Variants in DYSF observed in about 807,000 individuals in gnomAD.
The protein encoded by DYSF is dystrophy-associated fer-1-like 1.
A neutral mutation model predicts 274.9 loss-of-function variants in DYSF; 212 were observed. The observed-to-expected ratio is 0.77, with a 90% CI of 0.69 to 0.86. The LOEUF (loss-of-function observed/expected upper bound fraction) is 0.86. DYSF is among the 40% of genes least tolerant of loss of function. DYSF has a pLI of 0.00. For missense variants in DYSF, 2,666 were observed against 2,783.2 expected (o/e 0.96, Z 0.95); for synonymous variants, 1,091 against 1,078.7 (o/e 1.01, Z -0.22).
intron 47 of DYSF, among the ~76,000 whole-genome samples, chr2:71,667,090 G>T (rs529439756): frequency 5.3e-5 from 8 of 152,306 alleles, no homozygotes; most frequent in African/African-American, 1.7e-4. Flanking sequence ...GAGACAGGAG[G>T]ATTTGTATGG....
intron 1 of DYSF, among the ~76,000 whole-genome samples, chr2:71,456,596 A>G (rs1285195512): frequency 2.0e-5 from 3 of 152,152 alleles, no homozygotes. Flanking sequence ...CTTTGGTTAC[A>G]TGATTATAAT....
intron 3 of DYSF, among the ~76,000 whole-genome samples, chr2:71,483,758 G>A (rs2083131784): frequency 6.6e-6 from 1 of 152,114 alleles, no homozygotes; most frequent in African/African-American, 2.4e-5. Flanking sequence ...TGAGAGATTG[G>A]GCAACTTTCT....
intron 41 of DYSF, among the ~76,000 whole-genome samples, chr2:71,628,338 TTATC>T (rs1482158605): frequency 3.9e-5 from 6 of 152,292 alleles, no homozygotes; most frequent in African/African-American, 1.4e-4. Flanking sequence ...TATTTTAGTT[TTATC>T]TTTTTTACCT....
At chr2:71,630,994 A>G (rs560706947) in intron 41 of DYSF, among the ~76,000 whole-genome samples, 2 of 152,358 alleles carry the variant, frequency 1.3e-5, no homozygotes, top group East Asian at 1.9e-4. Context: ...CTCACCGACT[A>G]TGAAGTTATT....
At position 71,613,418 on chromosome 2, in the gene DYSF, G is replaced by T. The variant is rs745311207; in HGVS notation, c.4464+8G>T. ...CCCCTCATCCCCATCCAGGTAGGAT[G>T]GGCATCCTCCAGGGAGGCCTGGGTC... is the stretch of plus-strand genomic sequence containing the variant. On this transcript the variant is annotated splice_region_variant and intron_variant, in intron 40 of 55. Coordinates refer to ENST00000410020, the MANE Select transcript of DYSF (RefSeq NM_001130987.2). 1.9e-6 allele frequency: 3 copies of T among 1,611,096 alleles called. No individual in the cohort carries two copies. The highest frequency in any genetic ancestry group is 8.5e-7 in the Non-Finnish European group (1 of 1,178,676).
intron 43 of DYSF, among the ~76,000 whole-genome samples, 164 bp from the exon 44 acceptor site, chr2:71,658,714 T>C (rs549863274): frequency 3.0e-4 from 45 of 152,254 alleles, no homozygotes; most frequent in Admixed American, 2.6e-3. Context: ...GAGAATAGCA[T>C]GGGAAAGACT....
intron 31 of DYSF, among the ~76,000 whole-genome samples, 158 bp downstream of exon 31, chr2:71,589,844 T>TGC (rs1558553387): frequency 2.6e-5 from 4 of 152,122 alleles, no homozygotes; most frequent in Admixed American, 6.5e-5. Flanking sequence ...TGTGTGTGTG[T>TGC]GCGCGCGTGC....
intron 42 of DYSF, among the ~76,000 whole-genome samples, chr2:71,654,547 C>T (rs999632485): frequency 3.6e-4 from 55 of 151,778 alleles, no homozygotes; most frequent in African/African-American, 1.3e-3. Flanking sequence ...CTTTGGGAGG[C>T]GGAGGTGGGA....
intron 17 of DYSF, among the ~76,000 whole-genome samples, chr2:71,544,745 A>G (rs1219538523): frequency 6.6e-6 from 1 of 152,146 alleles, no homozygotes; most frequent in African/African-American, 2.4e-5. Context: ...TTTTTAAGCA[A>G]GACATTGTTA....
At chr2:71,578,937 G>A (rs2092799730) in intron 30 of DYSF, among the ~76,000 whole-genome samples, 2 of 152,172 alleles carry the variant, frequency 1.3e-5, no homozygotes. Flanking sequence ...TCTCCATCCC[G>A]AGCATTATTT....
At chr2:71,663,962 C>T (rs541346409) in intron 45 of DYSF, among the ~76,000 whole-genome samples, 10 of 152,318 alleles carry the variant, frequency 6.6e-5, no homozygotes, top group African/African-American at 1.9e-4. Flanking sequence ...CATCTGTTGT[C>T]TCCTGGTGTC....
chr2:71,617,639 AGAGGTGGTGTG>A (rs2093917967), intron 40 of DYSF, among the ~76,000 whole-genome samples: 3 of 127,262 alleles, frequency 2.4e-5, no homozygotes, highest in Admixed American at 7.8e-5. Context: ...TGTGTGTGGC[AGAGGTGGTGTG>A]TGTGTGGCAG....
intron 30 of DYSF, among the ~76,000 whole-genome samples, chr2:71,585,012 A>C (rs1256586282): frequency 3.3e-5 from 5 of 152,214 alleles, no homozygotes; most frequent in Non-Finnish European, 7.4e-5. Context: ...CCTGCCAAGG[A>C]CCGTGGGGTA....
intron 1 of DYSF, among the ~76,000 whole-genome samples, chr2:71,454,753 G>C (rs1216043128): frequency 6.6e-6 from 1 of 152,178 alleles, no homozygotes; most frequent in Non-Finnish European, 1.5e-5. Flanking sequence ...AGGCCTCCTT[G>C]AGCAGGGAAG....
At chr2:71,621,582 T>C (rs1372686468) in intron 41 of DYSF, among the ~76,000 whole-genome samples, 1 of 150,820 alleles carries the variant, frequency 6.6e-6, no homozygotes, top group Non-Finnish European at 1.5e-5. Context: ...ATTTTTTAAA[T>C]TTAAAAGTAT....
chr2:71,548,563 G>A (rs1305430149), intron 17 of DYSF, among the ~76,000 whole-genome samples: 11 of 116,880 alleles, frequency 9.4e-5, no homozygotes, highest in African/African-American at 2.2e-4. Flanking sequence ...TTTCCTTGGC[G>A]CATCGCATAC....
intron 30 of DYSF, among the ~76,000 whole-genome samples, chr2:71,581,618 G>C (rs1558532249): frequency 6.6e-6 from 1 of 152,202 alleles, no homozygotes; most frequent in Non-Finnish European, 1.5e-5. Context: ...TTTGAGCTCT[G>C]ATGGGGTAGT....
Position 71,590,236 on chromosome 2 carries a change from C to G in DYSF, c.3522C>G (p.Cys1174Trp). The G allele has an allele frequency of 6.2e-7, 1 of 1,614,156 alleles. No homozygotes were observed. The highest frequency in any genetic ancestry group is 2.2e-5 in the East Asian group (1 of 44,876). The change falls in exon 32 of 56, where the codon TGC (cysteine) becomes TGG (tryptophan). Residue 1174 changes from cysteine to tryptophan, a missense_variant. Coordinates refer to ENST00000410020, the MANE Select transcript of DYSF (RefSeq NM_001130987.2). The stretch of plus-strand genomic sequence containing the variant: ...ATGGGAACCGCTACCATCTACGCTG[C>G]TACATGTACCAGGCCCGGGACCTGG... The part of the protein sequence containing the change: ...FDYGNRYHLR[C>W]YMYQARDLAA...
intron 3 of DYSF, among the ~76,000 whole-genome samples, chr2:71,492,546 C>G (rs1056007363): frequency 9.9e-5 from 15 of 152,102 alleles, no homozygotes; most frequent in African/African-American, 3.6e-4. Context: ...CATGGTAACC[C>G]TTCTGGAACA....
Sources: allele counts gnomAD v4.1 joint callset (sites outside exome capture counted in the v4.1 genomes callset), GRCh38; gene constraint gnomAD v4.1.1; transcripts MANE v1.5; gene names NCBI Gene and HGNC (gene_info 2026-07-23, HGNC 2026-07-21).